PPFIBP1: variants seen among roughly 807,000 people sequenced by gnomAD.
PPFIBP1 encodes PPFIB scaffold protein 1.
PPFIBP1 carries 112 observed loss-of-function variants against 137.8 expected under a neutral mutation model. The observed-to-expected ratio is 0.81, with a 90% confidence interval of 0.70 to 0.95. PPFIBP1 has a LOEUF of 0.95. Among genes scored for constraint, PPFIBP1 ranks in the 40% least tolerant of loss-of-function variants. The probability of loss-of-function intolerance (pLI) is 0.00; values close to 1 mark genes in which losing one functional copy is unlikely to be tolerated. For synonymous variants in PPFIBP1, 378 were observed against 417.3 expected (o/e 0.91, Z 1.15); for missense variants, 1,083 against 1,196.6 (o/e 0.91, Z 1.40).
intron 2 of PPFIBP1, among the ~76,000 whole-genome samples, chr12:27,624,446 C>T (rs1316454679): frequency 6.6e-6 from 1 of 152,232 alleles, no homozygotes; most frequent in Non-Finnish European, 1.5e-5. Flanking sequence ...GCAGCAGCAT[C>T]CTTTATTCGA....
intron 2 of PPFIBP1, among the ~76,000 whole-genome samples, chr12:27,625,262 T>C (rs943103568): frequency 1.3e-4 from 20 of 152,128 alleles, no homozygotes; most frequent in African/African-American, 4.1e-4. Flanking sequence ...AATATTTGTA[T>C]AGATGGATAG....
At chr12:27,568,172 A>G (rs562251773) in intron 1 of PPFIBP1, among the ~76,000 whole-genome samples, 2 of 152,352 alleles carry the variant, frequency 1.3e-5, no homozygotes, top group East Asian at 3.9e-4. Flanking sequence ...TGTTGTGAAG[A>G]AGAAGGGTCA....
chr12:27,689,627 CA>C (rs541998150), intron 27 of PPFIBP1, among the ~76,000 whole-genome samples: 161 of 152,228 alleles, frequency 1.1e-3, no homozygotes, highest in Non-Finnish European at 1.8e-3. Context: ...AAGCTCTCAC[CA>C]CTGTGTTAAG....
At chr12:27,584,762 G>A (rs1481215664) in intron 2 of PPFIBP1, among the ~76,000 whole-genome samples, 9 of 152,192 alleles carry the variant, frequency 5.9e-5, no homozygotes, top group South Asian at 2.1e-4. Flanking sequence ...TTGAACAAAC[G>A]ATAATTAGCC....
Position 27,635,163 on chromosome 12 carries a change from T to C in PPFIBP1, c.270+48T>C, listed in dbSNP as rs773151619. ...TCTGTTATAAATCCTTTGTTGCTTATTCCAAAATTTAGAACATAGAATAGC... is the reference window on the plus strand; with the variant it reads ...TCTGTTATAAATCCTTTGTTGCTTACTCCAAAATTTAGAACATAGAATAGC... On this transcript the variant is annotated intron_variant, in intron 4 of 29. Coordinates refer to ENST00000228425, the MANE Select transcript of PPFIBP1 (RefSeq NM_003622.4). The C allele has an allele frequency of 3.1e-6, 5 of 1,588,696 alleles. No individual in the cohort carries two copies. The African/African-American group carries it at 4.0e-5, about 13-fold the overall frequency.
chr12:27,674,129 C>G, intron 16 of PPFIBP1, 63 bp from the exon 17 acceptor site: 1 of 1,313,836 alleles, frequency 7.6e-7, no homozygotes, highest in South Asian at 1.3e-5. Context: ...TTGTATGTGA[C>G]AAATTCAGAA....
chr12:27,666,087 A>G (rs2059836194), intron 12 of PPFIBP1, among the ~76,000 whole-genome samples: 1 of 144,332 alleles, frequency 6.9e-6, no homozygotes, highest in South Asian at 2.4e-4. Flanking sequence ...ATTAGACTAT[A>G]TCGTAAAACA....
At chr12:27,646,927 GCC>G (rs747973308) in intron 5 of PPFIBP1, among the ~76,000 whole-genome samples, 1 of 152,108 alleles carries the variant, frequency 6.6e-6, no homozygotes, top group Non-Finnish European at 1.5e-5. Flanking sequence ...ATATTGAGTT[GCC>G]CCCCCTGACT....
chr12:27,533,955 G>T (rs574376801), intron 1 of PPFIBP1, among the ~76,000 whole-genome samples: 2 of 152,308 alleles, frequency 1.3e-5, no homozygotes, highest in East Asian at 3.9e-4. Flanking sequence ...CCAACAGACT[G>T]TCCCTGGTCC....
rs149948996 is a variant in PPFIBP1, at chr12:27,690,226, A to G, written c.2685+1023A>G. Among the ~76,000 whole-genome samples the G allele has an allele frequency of 3.3e-3, 494 of 151,626 alleles. 1 individual carries two copies. The highest frequency in any genetic ancestry group is 0.011 in the African/African-American group (468 of 41,304). On this transcript the variant is annotated intron_variant, in intron 27 of 29. Coordinates refer to ENST00000228425, the MANE Select transcript of PPFIBP1 (RefSeq NM_003622.4). ...AGGGATGCAAACCCCACATATAGGG[A>G]GGCCCAACTTTTTAGGTACACGGGT...
chr12:27,580,141 C>T (rs1056732888), intron 2 of PPFIBP1, among the ~76,000 whole-genome samples: 6 of 152,066 alleles, frequency 3.9e-5, no homozygotes, highest in African/African-American at 1.4e-4. Flanking sequence ...TCTAGGGAGA[C>T]GAATAGAGAA....
At chr12:27,613,393 G>A (rs1310145740) in intron 2 of PPFIBP1, among the ~76,000 whole-genome samples, 1 of 152,314 alleles carries the variant, frequency 6.6e-6, no homozygotes, top group African/African-American at 2.4e-5. Context: ...GAGCTTAGAT[G>A]TAAGGATGTT....
intron 13 of PPFIBP1, among the ~76,000 whole-genome samples, chr12:27,670,794 A>AATAATAATAATAAT (rs1555238678): frequency 3.4e-4 from 47 of 139,394 alleles, no homozygotes; most frequent in Non-Finnish European, 6.3e-4. Flanking sequence ...AAAAAAAAAA[A>AATAATAATAATAAT]AATAATAATA....
intron 13 of PPFIBP1, among the ~76,000 whole-genome samples, chr12:27,670,299 G>A (rs1012340680): frequency 6.6e-6 from 1 of 152,148 alleles, no homozygotes; most frequent in Non-Finnish European, 1.5e-5. Context: ...ATATGTTGCT[G>A]TAATATTATT....
chr12:27,668,913 C>T (rs1331226053), intron 13 of PPFIBP1, among the ~76,000 whole-genome samples: 1 of 152,172 alleles, frequency 6.6e-6, no homozygotes, highest in East Asian at 1.9e-4. Flanking sequence ...ATCCTTGGCT[C>T]ACCTGAAGAC....
chr12:27,541,994 A>G (rs1945729251), intron 1 of PPFIBP1, among the ~76,000 whole-genome samples: 2 of 152,144 alleles, frequency 1.3e-5, no homozygotes, highest in South Asian at 2.1e-4. Context: ...ACATAGCCCT[A>G]TCTTGGCACT....
At chr12:27,552,981 G>T (rs1202814317) in intron 1 of PPFIBP1, among the ~76,000 whole-genome samples, 10 of 152,148 alleles carry the variant, frequency 6.6e-5, no homozygotes, top group African/African-American at 9.7e-5. Flanking sequence ...GATACCGAGA[G>T]TGGGAGGTTC....
At chr12:27,624,907 G>A (rs560243368) in intron 2 of PPFIBP1, among the ~76,000 whole-genome samples, 1 of 152,254 alleles carries the variant, frequency 6.6e-6, no homozygotes, top group East Asian at 1.9e-4. Context: ...TGAAAATTTT[G>A]TGGTTTAAAT....
chr12:27,546,843 A>G (rs1946284250), intron 1 of PPFIBP1, among the ~76,000 whole-genome samples: 1 of 152,050 alleles, frequency 6.6e-6, no homozygotes, highest in Non-Finnish European at 1.5e-5. Flanking sequence ...GTGAAACCCC[A>G]TCTCTACAAA....
Sources: gnomAD v4.1 joint callset for allele counts (sites outside exome capture counted in the v4.1 genomes callset) on GRCh38, gnomAD v4.1.1 for gene constraint, MANE v1.5 for transcripts, NCBI Gene and HGNC (gene_info 2026-07-23, HGNC 2026-07-21) for gene names.